B3GNT2: variants seen among roughly 807,000 people sequenced by gnomAD.
B3GNT2 encodes UDP-GlcNAc:betaGal beta-1,3-N-acetylglucosaminyltransferase 2, also known as N-acetyllactosaminide beta-1,3-N-acetylglucosaminyltransferase 2.
B3GNT2 carries 12 observed loss-of-function variants against 27.6 expected under a neutral mutation model. That is an observed-to-expected ratio of 0.44 (90% confidence interval 0.28 to 0.71). B3GNT2 has a LOEUF of 0.71. B3GNT2 is among the 30% of genes least tolerant of loss of function. The probability of loss-of-function intolerance (pLI) is 0.17; values close to 1 mark genes in which losing one functional copy is unlikely to be tolerated. For missense variants in B3GNT2, 413 were observed against 488.5 expected (o/e 0.85, Z 1.46); for synonymous variants, 192 against 189.7 (o/e 1.01, Z -0.10).
intron 1 of B3GNT2, among the ~76,000 whole-genome samples, chr2:62,198,657 G>C (rs1323832667): frequency 6.6e-6 from 1 of 152,166 alleles, no homozygotes; most frequent in Non-Finnish European, 1.5e-5. Context: ...CTGAATATAT[G>C]AAGGTTTGTA....
In B3GNT2 at chr2:62,222,584, T is replaced by C. The variant is rs1489885839; in HGVS notation, c.364T>C (p.Tyr122His). 6.2e-7 allele frequency: 1 copy of C among 1,614,210 alleles called. No individual in the cohort carries two copies. Among genetic ancestry groups the C allele is most frequent in the South Asian group, 1.1e-5 (1 of 91,080 alleles). Residue 122 changes from tyrosine to histidine, a missense_variant, in exon 2 of 2, where the codon TAT becomes CAT. By Grantham distance (83) the Tyr-to-His change is moderately conservative (BLOSUM62 2). Transcript: ENST00000301998. This position sits in a 1 kb window ranked among gnomAD's most constrained non-coding sequence, Gnocchi z 4.2. ...GGACAGATTTAAAGACTTTCTGCTG[T>C]ATTTGAGATGCCGCAATTATTCACT... ...LPDRFKDFLL[Y>H]LRCRNYSLLI...
Position 62,222,169 on chromosome 2 carries a change from A to C in B3GNT2, c.-9-43A>C. On this transcript the variant is annotated intron_variant, in intron 1 of 1. Transcript: ENST00000301998. This position sits in a 1 kb window ranked among gnomAD's most constrained non-coding sequence, Gnocchi z 4.2. ...AAAATAAATTGTATGTGCAAATGCA[A>C]ATTGATAAGTAATTGATACAATACT... is the stretch of plus-strand genomic sequence containing the variant. The C allele has an allele frequency of 6.7e-7, 1 of 1,496,188 alleles. No individual in the cohort carries two copies. Among genetic ancestry groups the C allele is most frequent in the Non-Finnish European group, 9.0e-7 (1 of 1,111,950 alleles). 92.7% of individuals were successfully genotyped at this position (1,496,188 alleles called of 1,614,324 possible). A position where few individuals can be genotyped will look rare whatever the true frequency, so the allele number is the denominator to read the frequency against.
chr2:62,219,976 A>G (rs527342318), intron 1 of B3GNT2, among the ~76,000 whole-genome samples: 3 of 152,318 alleles, frequency 2.0e-5, no homozygotes, highest in East Asian at 1.9e-4. Flanking sequence ...CTTAGTTTCT[A>G]TAATAGTGGT....
At chr2:62,198,111 T>G (rs1386578886) in intron 1 of B3GNT2, among the ~76,000 whole-genome samples, 1 of 152,206 alleles carries the variant, frequency 6.6e-6, no homozygotes, top group Non-Finnish European at 1.5e-5. Context: ...GGAATATTGC[T>G]TTTTCTCCCT....
rs150872641 is a variant in B3GNT2 at position 62,218,095 on chromosome 2, A to G, written c.-9-4117A>G. On this transcript the variant is annotated intron_variant, in intron 1 of 1. Transcript: ENST00000301998. Reference sequence around the variant, plus strand: ...AGTTTTCTTAAATTCTTCTTACGCAATGTAACTTCCTGCTGAAGAAAGGAC... The same window carrying G: ...AGTTTTCTTAAATTCTTCTTACGCAGTGTAACTTCCTGCTGAAGAAAGGAC... 3.7e-3 allele frequency among the ~76,000 whole-genome samples: 570 copies of G among 152,332 alleles called. 5 individuals are homozygous for G. The highest frequency in any genetic ancestry group is 0.013 in the African/African-American group (537 of 41,584).
At chr2:62,216,554 T>G (rs1674576939) in intron 1 of B3GNT2, among the ~76,000 whole-genome samples, 1 of 152,008 alleles carries the variant, frequency 6.6e-6, no homozygotes, top group Non-Finnish European at 1.5e-5. Flanking sequence ...CACAGGTGCA[T>G]GCCACTACAC....
Position 62,223,131 on chromosome 2 carries a change from C to G in B3GNT2, c.911C>G (p.Ala304Gly). The G allele has an allele frequency of 6.2e-7, 1 of 1,614,192 alleles. No individual in the cohort carries two copies. Among genetic ancestry groups the G allele is most frequent in the Non-Finnish European group, 8.5e-7 (1 of 1,180,022 alleles). ...TACTCTGGCCTCTACCCACCCTATG[C>G]AGGGGGAGGGGGGTTCCTCTACTCC... Reference protein sequence around the residue: ...VVYSGLYPPYAGGGGFLYSGH... With the variant: ...VVYSGLYPPYGGGGGFLYSGH... Residue 304 changes from alanine (A) to glycine (G), a missense_variant, in exon 2 of 2, where the codon GCA (alanine) becomes GGA (glycine). Transcript: ENST00000301998.
intron 1 of B3GNT2, among the ~76,000 whole-genome samples, chr2:62,208,168 A>G (rs1343534236): frequency 2.0e-5 from 3 of 151,998 alleles, no homozygotes; most frequent in African/African-American, 7.3e-5. Context: ...GTGTCTGTAG[A>G]CATGAGGAGC....
intron 1 of B3GNT2, among the ~76,000 whole-genome samples, chr2:62,207,411 G>T (rs924203931): frequency 6.6e-6 from 1 of 152,080 alleles, no homozygotes; most frequent in Non-Finnish European, 1.5e-5. Flanking sequence ...GGTTCTTGAG[G>T]GACAAGAATT....
At chr2:62,198,054 A>T (rs778995638) in intron 1 of B3GNT2, among the ~76,000 whole-genome samples, 3 of 152,258 alleles carry the variant, frequency 2.0e-5, no homozygotes, top group Non-Finnish European at 4.4e-5. Flanking sequence ...AGACTTTACA[A>T]ATGTGTTTAT....
intron 1 of B3GNT2, among the ~76,000 whole-genome samples, chr2:62,220,846 C>A (rs1306764474): frequency 6.6e-6 from 1 of 152,196 alleles, no homozygotes; most frequent in African/African-American, 2.4e-5. Flanking sequence ...TATAGGTCAT[C>A]CATGTCAATA....
chr2:62,215,082 A>G (rs766345494), intron 1 of B3GNT2, among the ~76,000 whole-genome samples: 5 of 152,202 alleles, frequency 3.3e-5, no homozygotes, highest in African/African-American at 4.8e-5. Flanking sequence ...AATCGGCCAC[A>G]CTGGGCTTTC....
chr2:62,223,141 G>A lies in B3GNT2; in HGVS notation c.921G>A (p.Gly307=), dbSNP rs1674753257. ...TCTACCCACCCTATGCAGGGGGAGG[G>A]GGGTTCCTCTACTCCGGCCACCTGG... is the stretch of plus-strand genomic sequence containing the variant. ...SGLYPPYAGG[G]GFLYSGHLAL... is the part of the protein sequence containing the mutation. The change falls in exon 2 of 2, where the codon GGG becomes GGA. Residue 307 remains glycine, a synonymous_variant. Coordinates refer to ENST00000301998, the MANE Select transcript of B3GNT2 (RefSeq NM_006577.6). The A allele has an allele frequency of 1.2e-6, 2 of 1,614,148 alleles. No individual in the cohort carries two copies. Among genetic ancestry groups the A allele is most frequent in the African/African-American group, 1.3e-5 (1 of 75,026 alleles).
rs538977985 is a variant in B3GNT2, at chr2:62,210,153, G to A, written c.-9-12059G>A. Among the ~76,000 whole-genome samples the A allele has an allele frequency of 2.6e-5, 4 of 152,070 alleles. No homozygotes were observed. The South Asian group carries it at 8.3e-4, about 31-fold the overall frequency. ...GGTATCCACAAATGCAATAATTTTG[G>A]TACCTTAATTTTTTAGAACTACAAC... On this transcript the variant is annotated intron_variant, in intron 1 of 1. Transcript: ENST00000301998.
At chr2:62,197,715 G>C (rs1479212351) in intron 1 of B3GNT2, among the ~76,000 whole-genome samples, 1 of 152,210 alleles carries the variant, frequency 6.6e-6, no homozygotes, top group Admixed American at 6.5e-5. Context: ...CGAGGTGGCC[G>C]ACAGGGCCGG....
chr2:62,214,818 T>TG (rs998424219), intron 1 of B3GNT2, among the ~76,000 whole-genome samples: 1 of 152,216 alleles, frequency 6.6e-6, no homozygotes, highest in African/African-American at 2.4e-5. Context: ...TCACTCCAGA[T>TG]GCCAAACTGG....
intron 1 of B3GNT2, among the ~76,000 whole-genome samples, chr2:62,215,029 C>G (rs1053246900): frequency 6.6e-6 from 1 of 152,102 alleles, no homozygotes; most frequent in Non-Finnish European, 1.5e-5. Context: ...AAGAATACTT[C>G]TAGTGGCTAA....
chr2:62,219,247 G>T (rs991152518), intron 1 of B3GNT2, among the ~76,000 whole-genome samples: 3 of 152,162 alleles, frequency 2.0e-5, no homozygotes, highest in East Asian at 3.9e-4. Context: ...AGAAATTTTG[G>T]TAAAGGTCTA....
chr2:62,208,876 G>A (rs898026892), intron 1 of B3GNT2, among the ~76,000 whole-genome samples: 5 of 152,114 alleles, frequency 3.3e-5, no homozygotes, highest in African/African-American at 7.2e-5. Flanking sequence ...TTATCACACC[G>A]TGTGCTAAGT....
Sources: gnomAD v4.1 joint callset for allele counts (sites outside exome capture counted in the v4.1 genomes callset) on GRCh38, gnomAD v4.1.1 for gene constraint, Gnocchi (gnomAD v3.1) non-coding constraint, MANE v1.5 for transcripts, NCBI Gene and HGNC (gene_info 2026-07-23, HGNC 2026-07-21) for gene names.